The following TNIP3 variants were observed in gnomAD, a reference collection of about 807,000 sequenced individuals.
The protein encoded by TNIP3 is TNFAIP3 interacting protein 3.
In TNIP3, 34 loss-of-function variants were observed where a neutral mutation model predicts 54.1. That is an observed-to-expected ratio of 0.63 (90% confidence interval 0.48 to 0.84). The LOEUF (loss-of-function observed/expected upper bound fraction) is 0.84. TNIP3 is among the 40% of genes least tolerant of loss of function. The pLI is 0.00. For missense variants in TNIP3, 366 were observed against 387.6 expected, an observed-to-expected ratio of 0.94 and a Z score of 0.47; for synonymous variants, 134 against 136.8, an observed-to-expected ratio of 0.98 and a Z score of 0.14.
intron 5 of TNIP3, among the ~76,000 whole-genome samples, chr4:121,151,861 C>T (rs539106880): frequency 6.6e-6 from 1 of 152,146 alleles, no homozygotes; most frequent in Non-Finnish European, 1.5e-5. Flanking sequence ...ACACCTATAA[C>T]CTATTCTAGA....
chr4:121,158,559 C>T, intron 3 of TNIP3, 128 bp downstream of exon 3: 1 of 747,444 alleles, frequency 1.3e-6, no homozygotes. Flanking sequence ...TAGCACCCTT[C>T]CCGTCATTTT....
At chr4:121,166,932 C>A (rs943406595), upstream of TNIP3, among the ~76,000 whole-genome samples, 4 of 152,098 alleles carry the variant, frequency 2.6e-5, no homozygotes, top group African/African-American at 9.7e-5. Context: ...CTTGGCTCTG[C>A]CACTCACTGC....
At chr4:121,205,428 G>A (rs986253101) in intron 2 of TNIP3, among the ~76,000 whole-genome samples, 2 of 152,076 alleles carry the variant, frequency 1.3e-5, no homozygotes, top group African/African-American at 4.8e-5. Flanking sequence ...GTTCAAGGAG[G>A]TTCGTGGGCA....
At chr4:121,146,919 C>T in intron 7 of TNIP3, 130 bp downstream of exon 7, 2 of 943,810 alleles carry the variant, frequency 2.1e-6, no homozygotes, top group Admixed American at 2.9e-5. Context: ...TTAAGAATGA[C>T]TTCATCCCAG....
At chr4:121,178,431 C>T (rs1291323117) in intron 3 of TNIP3, among the ~76,000 whole-genome samples, 1 of 152,200 alleles carries the variant, frequency 6.6e-6, no homozygotes, top group Non-Finnish European at 1.5e-5. Flanking sequence ...GAAGAAGTCT[C>T]TTCACCTCAG....
chr4:121,159,594 T>C (rs1299681823), intron 2 of TNIP3, among the ~76,000 whole-genome samples: 1 of 152,246 alleles, frequency 6.6e-6, no homozygotes, highest in Non-Finnish European at 1.5e-5. Context: ...CAATAATGTG[T>C]TTTAAAAGAT....
chr4:121,138,186 G>A (rs936977679), intron 10 of TNIP3, among the ~76,000 whole-genome samples: 1 of 152,186 alleles, frequency 6.6e-6, no homozygotes, highest in East Asian at 1.9e-4. Flanking sequence ...CTGACATTTA[G>A]TCATAAGGGA....
At chr4:121,216,310 A>G in intron 2 of TNIP3, 1 of 948,552 alleles carries the variant, frequency 1.1e-6, no homozygotes. Flanking sequence ...CCATTCAGAC[A>G]GCTTCTCTTC....
At position 121,197,531 on chromosome 4, in the gene TNIP3, C is replaced by CAA. The variant is rs531127977; in HGVS notation, c.69-14737_69-14736dup. ...TGGGTGACAGAGCGAGACTCTGTCTCAAAAAAAAAAAAAAAAAAGAACACC... is the reference window on the plus strand; with the variant it reads ...TGGGTGACAGAGCGAGACTCTGTCTCAAAAAAAAAAAAAAAAAAAAGAACACC... On this transcript the variant is annotated intron_variant, in intron 2 of 12. Transcript: ENST00000507879. Among the ~76,000 whole-genome samples the CAA allele has an allele frequency of 2.6e-3, 164 of 64,192 alleles. 3 individuals carry two copies. The highest frequency in any genetic ancestry group is 7.0e-3 in the African/African-American group (146 of 20,818). 42.1% of individuals were successfully genotyped at this position (64,192 alleles called of 152,430 possible). A position where few individuals can be genotyped will look rare whatever the true frequency, so the allele number is the denominator to read the frequency against.
At chr4:121,186,125 T>G (rs1215296157) in intron 2 of TNIP3, among the ~76,000 whole-genome samples, 1 of 152,070 alleles carries the variant, frequency 6.6e-6, no homozygotes, top group African/African-American at 2.4e-5. Flanking sequence ...TGGCGCACAG[T>G]GAGACTGAGC....
chr4:121,226,772 C>T (rs944668641), intron 1 of TNIP3, among the ~76,000 whole-genome samples: 5 of 152,136 alleles, frequency 3.3e-5, no homozygotes, highest in African/African-American at 1.2e-4. Context: ...TTTGCAATCT[C>T]GTTTGGGAAA....
At position 121,189,323 on chromosome 4, in the gene TNIP3, C is replaced by T. The variant is rs115488163; in HGVS notation, c.69-6527G>A. Among the ~76,000 whole-genome samples the T allele has an allele frequency of 8.4e-3, 1,277 of 152,280 alleles. 15 individuals are homozygous for T. The highest frequency in any genetic ancestry group is 0.03 in the African/African-American group (1,234 of 41,536). ...TCAGGAAAGACCCTGGAGAACAAAG[C>T]TCATCTTCAAATATGAGAAAAGGAA... On this transcript the variant is annotated intron_variant, in intron 2 of 12. Transcript: ENST00000507879.
rs185851463 is a variant in TNIP3 at position 121,198,213 on chromosome 4, A to G, written c.69-15417T>C. On this transcript the variant is annotated intron_variant, in intron 2 of 12. Coordinates refer to the TNIP3 transcript ENST00000507879. ...CAATGACATTTTTAGGACTTTTCAA[A>G]CCAAAATGCTAAAGCAAAAGGAATA... 3.3e-5 allele frequency among the ~76,000 whole-genome samples: 5 copies of G among 152,212 alleles called. No homozygotes were observed. In the East Asian group the frequency reaches 7.7e-4, roughly 23 times the overall value.
Position 121,142,715 on chromosome 4 carries a change from G to C in TNIP3, c.786+11C>G. ...GGAATAAATGTATGCGTGAAAATTA[G>C]ATCAACATACCTGTTTTAATTGCTT... On this transcript the variant is annotated intron_variant, in intron 8 of 10. Transcript: ENST00000057513. 1 of 1,606,786 alleles carries C rather than the reference G, an allele frequency of 6.2e-7. No individual in the cohort carries two copies. Among genetic ancestry groups the C allele is most frequent in the Non-Finnish European group, 8.5e-7 (1 of 1,173,946 alleles).
upstream of TNIP3, among the ~76,000 whole-genome samples, chr4:121,216,884 G>A (rs1232743802): frequency 6.6e-6 from 1 of 152,182 alleles, no homozygotes; most frequent in Non-Finnish European, 1.5e-5. Flanking sequence ...GAGTTCTCCA[G>A]GAGTGCCTAC....
intron 3 of TNIP3, among the ~76,000 whole-genome samples, chr4:121,181,943 C>T (rs771529572): frequency 6.6e-6 from 1 of 152,058 alleles, no homozygotes; most frequent in Non-Finnish European, 1.5e-5. Context: ...GTAAGAACTT[C>T]TTTAGAAAGA....
At chr4:121,214,682 T>C (rs1204595676) in intron 2 of TNIP3, among the ~76,000 whole-genome samples, 2 of 152,216 alleles carry the variant, frequency 1.3e-5, no homozygotes, top group Non-Finnish European at 2.9e-5. Context: ...ATGGGTATCA[T>C]CTTTCCTAGA....
intron 5 of TNIP3, among the ~76,000 whole-genome samples, chr4:121,150,431 G>T (rs1313556714): frequency 6.6e-6 from 1 of 151,284 alleles, no homozygotes. Flanking sequence ...TGATGCTTAT[G>T]TTAGTCAATC....
chr4:121,137,499 T>G (rs540326254), intron 10 of TNIP3: 1 of 152,480 alleles, frequency 6.6e-6, no homozygotes, highest in Non-Finnish European at 1.5e-5. Flanking sequence ...ATTTCATATT[T>G]CTTTTCTATG....
Sources: gnomAD v4.1 joint callset for allele counts (sites outside exome capture counted in the v4.1 genomes callset) on GRCh38, gnomAD v4.1.1 for gene constraint, MANE v1.5 for transcripts, NCBI Gene and HGNC (gene_info 2026-07-23, HGNC 2026-07-21) for gene names.